The following OSBPL9 variants were observed in gnomAD, a reference collection of about 807,000 sequenced individuals.
The protein encoded by OSBPL9 is oxysterol binding protein like 9, also known as oxysterol-binding protein-related protein 9.
A neutral mutation model predicts 106.6 loss-of-function variants in OSBPL9; 40 were observed. That is an observed-to-expected ratio of 0.38 (90% CI 0.29 to 0.49). The LOEUF is 0.49. OSBPL9 is among the 20% of genes least tolerant of loss of function. The pLI is 0.97. For synonymous variants in OSBPL9, 269 were observed against 295.4 expected (o/e 0.91, Z 0.92); for missense variants, 609 against 887.2 (o/e 0.69, Z 3.98).
chr1:51,563,497 G>A, the OSBPL9 span: 1 of 152,266 alleles, frequency 6.6e-6, no homozygotes. Flanking sequence ...TGAGGGTACA[G>A]TCTTATTTGC....
chr1:51,609,683 T>C (rs1208224349), intron 2 of OSBPL9, among the ~76,000 whole-genome samples: 1 of 151,776 alleles, frequency 6.6e-6, no homozygotes, highest in Non-Finnish European at 1.5e-5. Context: ...CTCAAATGTG[T>C]AATTCCAGCA....
intron 2 of OSBPL9, among the ~76,000 whole-genome samples, chr1:51,608,687 G>A (rs960385936): frequency 4.6e-5 from 7 of 151,322 alleles, no homozygotes; most frequent in African/African-American, 9.7e-5. Context: ...TGGGGGGGGG[G>A]GCTTTCCTGC....
chr1:51,645,341 G>A (rs1318670780), intron 1 of OSBPL9, among the ~76,000 whole-genome samples: 1 of 152,084 alleles, frequency 6.6e-6, no homozygotes, highest in Non-Finnish European at 1.5e-5. Context: ...AAATTGGGTT[G>A]TCTTTTTATT....
chr1:51,614,049 C>A (rs1644007837), upstream of OSBPL9, among the ~76,000 whole-genome samples: 1 of 151,502 alleles, frequency 6.6e-6, no homozygotes, highest in Non-Finnish European at 1.5e-5. Flanking sequence ...TCCCAAAGTG[C>A]TGGGATTACA....
At chr1:51,637,795 T>C (rs1265336153) in intron 1 of OSBPL9, among the ~76,000 whole-genome samples, 1 of 152,224 alleles carries the variant, frequency 6.6e-6, no homozygotes, top group African/African-American at 2.4e-5. Context: ...CTCTTTGGGA[T>C]GCCAAATTAT....
chr1:51,584,035 T>G (rs541599053), intron 1 of OSBPL9, among the ~76,000 whole-genome samples: 2 of 152,286 alleles, frequency 1.3e-5, no homozygotes, highest in African/African-American at 4.8e-5. Context: ...TATTTACTTT[T>G]TTTAGAGACA....
intron 3 of OSBPL9, among the ~76,000 whole-genome samples, chr1:51,688,971 G>A (rs1457981336): frequency 3.3e-5 from 5 of 152,196 alleles, no homozygotes; most frequent in Admixed American, 1.3e-4. Flanking sequence ...AGAAGTCCTT[G>A]GAAAGCTACT....
At chr1:51,666,974 T>C (rs1648671564) in intron 2 of OSBPL9, among the ~76,000 whole-genome samples, 1 of 152,164 alleles carries the variant, frequency 6.6e-6, no homozygotes, top group African/African-American at 2.4e-5. Context: ...CAAGAAACGA[T>C]GAAAGCCTGA....
At position 51,787,958 on chromosome 1, in the gene OSBPL9, T is replaced by G. The variant is rs1006864459; in HGVS notation, c.*169T>G. On this transcript the variant is annotated 3_prime_UTR_variant, in exon 24 of 24. Transcript: ENST00000428468. ...CAGATGAACAATTAAGGGGAAAAGC[T>G]TCCCTTTTCCCTCTGTGGCAGTTAC... 6.7e-6 allele frequency: 4 copies of G among 599,188 alleles called. No individual in the cohort carries two copies. Among genetic ancestry groups the G allele is most frequent in the African/African-American group, 5.7e-5 (3 of 52,854 alleles). 37.1% of individuals were successfully genotyped at this position (599,188 alleles called of 1,614,324 possible). A position where few individuals can be genotyped will look rare whatever the true frequency, so the allele number is the denominator to read the frequency against.
chr1:51,549,414 GCA>G, the OSBPL9 span, among the ~76,000 whole-genome samples: 6 of 152,300 alleles, frequency 3.9e-5, no homozygotes, highest in Non-Finnish European at 7.3e-5. Flanking sequence ...TTTTTACTGA[GCA>G]CCTACTATGT....
chr1:51,721,057 CCAAAGTGCTGGGATT>C (rs1233147622), intron 4 of OSBPL9, among the ~76,000 whole-genome samples: 1 of 151,988 alleles, frequency 6.6e-6, no homozygotes, highest in African/African-American at 2.4e-5. Flanking sequence ...CCTCAGCCTC[CCAAAGTGCTGGGATT>C]AGAGGCATGA....
Position 51,730,247 on chromosome 1 carries a change from A to G in OSBPL9, c.319-15289A>G, listed in dbSNP as rs572546124. On this transcript the variant is annotated intron_variant, in intron 4 of 23. Transcript: ENST00000428468. ...CCACCGAGAGGGCATTCGCCCCCAA[A>G]TGAGACTTTGGAGGAGGTCTCTTTT... 19 of 986,442 alleles carry G rather than the reference A, an allele frequency of 1.9e-5. No homozygotes were observed. The South Asian group carries it at 3.7e-4, about 19-fold the overall frequency. The allele number at this position is 986,442 out of a possible 1,614,324, so 61.1% of individuals were successfully genotyped here.
chr1:51,765,347 A>G (rs1672339752), intron 11 of OSBPL9, among the ~76,000 whole-genome samples: 1 of 152,238 alleles, frequency 6.6e-6, no homozygotes, highest in African/African-American at 2.4e-5. Flanking sequence ...ATTGCCAAAA[A>G]ATATTGAATG....
chr1:51,573,739 G>A (rs966019943), upstream of OSBPL9, among the ~76,000 whole-genome samples: 8 of 150,800 alleles, frequency 5.3e-5, no homozygotes, highest in East Asian at 1.9e-4. Flanking sequence ...GCTTGAACCC[G>A]GGAGGCGGAG....
chr1:51,743,529 A>G (rs1667365125), intron 4 of OSBPL9, among the ~76,000 whole-genome samples: 3 of 152,344 alleles, frequency 2.0e-5, no homozygotes, highest in Admixed American at 2.0e-4. Flanking sequence ...TTAATTCTAA[A>G]TGGATTCAGA....
At chr1:51,662,776 G>A (rs192289283) in intron 2 of OSBPL9, among the ~76,000 whole-genome samples, 296 of 133,420 alleles carry the variant, frequency 2.2e-3, no homozygotes, top group Non-Finnish European at 3.0e-3. Flanking sequence ...ACAGAGTCTC[G>A]CTCTGTCGCC....
chr1:51,555,527 G>C, the OSBPL9 span, among the ~76,000 whole-genome samples: 2 of 151,830 alleles, frequency 1.3e-5, no homozygotes, highest in East Asian at 1.9e-4. Context: ...AAAGGAAAAG[G>C]TTCAACAAGA....
the OSBPL9 span, among the ~76,000 whole-genome samples, chr1:51,569,280 T>C: frequency 6.6e-6 from 1 of 152,220 alleles, no homozygotes; most frequent in Non-Finnish European, 1.5e-5. Context: ...CTCCTTCTCC[T>C]CTTCTGAGAA....
chr1:51,747,553 C>CTTTTTTTTTTTTTTTTT lies in OSBPL9; in HGVS notation c.462+804_463-792dup, dbSNP rs746109312. ...TAATTAACATTTTTCCTCTCCTTGG[C>CTTTTTTTTTTTTTTTTT]TTTTTTTTTTTTTTTTTTTTTTTTG... On this transcript the variant is annotated intron_variant, in intron 6 of 23. Coordinates refer to ENST00000428468, the MANE Select transcript of OSBPL9 (RefSeq NM_024586.6). Among the ~76,000 whole-genome samples the CTTTTTTTTTTTTTTTTT allele has an allele frequency of 4.7e-4, 20 of 42,372 alleles. 1 individual carries two copies. Among genetic ancestry groups the CTTTTTTTTTTTTTTTTT allele is most frequent in the Non-Finnish European group, 7.3e-4 (15 of 20,680 alleles). 27.8% of individuals were successfully genotyped at this position (42,372 alleles called of 152,430 possible).
Sources: gnomAD v4.1 joint callset for allele counts (sites outside exome capture counted in the v4.1 genomes callset) on GRCh38, gnomAD v4.1.1 for gene constraint, MANE v1.5 for transcripts, NCBI Gene and HGNC (gene_info 2026-07-23, HGNC 2026-07-21) for gene names.